The following RFX1 variants were observed in gnomAD, a reference collection of about 807,000 sequenced individuals.
RFX1 encodes the protein MHC class II regulatory factor RFX1.
In RFX1, 42 loss-of-function variants were observed where a neutral mutation model predicts 119.6. The observed-to-expected ratio is 0.35, with a 90% CI of 0.27 to 0.45. The LOEUF is 0.45. RFX1 is among the 20% of genes least tolerant of loss of function. RFX1 has a pLI of 1.00. For synonymous variants in RFX1, 628 were observed against 618.5 expected, an observed-to-expected ratio of 1.02 and a Z score of -0.23; for missense variants, 1,118 against 1,368.1, an observed-to-expected ratio of 0.82 and a Z score of 2.88.
At chr19:13,978,985 C>T (rs1974344592) in intron 7 of RFX1, among the ~76,000 whole-genome samples, 2 of 151,552 alleles carry the variant, frequency 1.3e-5, no homozygotes, top group Non-Finnish European at 2.9e-5. Context: ...GGCCTCGCCG[C>T]TGCACGCGGG....
chr19:14,003,372 A>ACTGGATCCCAGGTATCCAGCTTC (rs1568486594), intron 1 of RFX1, among the ~76,000 whole-genome samples: 1 of 150,634 alleles, frequency 6.6e-6, no homozygotes, highest in Non-Finnish European at 1.5e-5. Flanking sequence ...CCCACTACAA[A>ACTGGATCCCAGGTATCCAGCTTC]CTGGATCCCT....
intron 8 of RFX1, among the ~76,000 whole-genome samples, chr19:13,975,956 G>A (rs576634992): frequency 2.0e-5 from 3 of 152,364 alleles, no homozygotes; most frequent in African/African-American, 7.2e-5. Context: ...TGAACTAGGT[G>A]CAATCACACA....
intron 9 of RFX1, among the ~76,000 whole-genome samples, chr19:13,972,488 C>A (rs1004513452): frequency 6.6e-5 from 10 of 152,176 alleles, no homozygotes; most frequent in African/African-American, 2.2e-4. Flanking sequence ...GCCACAGCGC[C>A]CAGCCAACAA....
At chr19:13,974,414 A>G (rs888545637) in intron 8 of RFX1, among the ~76,000 whole-genome samples, 1 of 152,180 alleles carries the variant, frequency 6.6e-6, no homozygotes, top group Non-Finnish European at 1.5e-5. Context: ...ACAAGTATAC[A>G]AGTATAAAAA....
In RFX1 at chr19:13,962,359, T is replaced by C. The variant is rs961758153; in HGVS notation, c.*336A>G. The stretch of plus-strand genomic sequence containing the variant: ...TCGCACGGGAGGGGGCCTGCCTGCC[T>C]GCCCCCTGGGGTGGTGGGAGGACGG... On this transcript the variant is annotated 3_prime_UTR_variant, in exon 21 of 21. Coordinates refer to ENST00000254325, the MANE Select transcript of RFX1 (RefSeq NM_002918.5). 3 of 354,590 alleles carry C rather than the reference T, an allele frequency of 8.5e-6. No individual in the cohort carries two copies. Among genetic ancestry groups the C allele is most frequent in the Non-Finnish European group, 1.0e-5 (2 of 196,476 alleles). The allele number at this position is 354,590 out of a possible 1,614,324, so 22.0% of individuals were successfully genotyped here. A position where few individuals can be genotyped will look rare whatever the true frequency, so the allele number is the denominator to read the frequency against.
In RFX1 at chr19:13,965,243, G is replaced by A. The variant is rs1389970643; in HGVS notation, c.2211+206C>T. Among the ~76,000 whole-genome samples, 1 of 152,172 alleles carries A rather than the reference G, an allele frequency of 6.6e-6. No homozygotes were observed. Among genetic ancestry groups the A allele is most frequent in the African/African-American group, 2.4e-5 (1 of 41,438 alleles). ...TGAGTACAGTAACACCACAAAGGGG[G>A]TTGCATTTCAGAAGTGGGTGCCTGA... On this transcript the variant is annotated intron_variant, in intron 16 of 20. Coordinates refer to ENST00000254325, the MANE Select transcript of RFX1 (RefSeq NM_002918.5). The surrounding 1 kb of genome is among the most constrained non-coding windows in gnomAD (Gnocchi z 4.7).
In RFX1 at chr19:13,969,846, G is replaced by T; in HGVS notation, c.1496+148C>A. On this transcript the variant is annotated intron_variant, in intron 10 of 20. Transcript: ENST00000254325. This position sits in a 1 kb window ranked among gnomAD's most constrained non-coding sequence, Gnocchi z 4.5. Reference sequence around the variant, plus strand: ...GGCACCGCCAGTGCAAAGGCCTAGAGTGGGAGTGAGCGGGGCTGTCGAGGA... The same window carrying T: ...GGCACCGCCAGTGCAAAGGCCTAGATTGGGAGTGAGCGGGGCTGTCGAGGA... 1.4e-6 allele frequency: 1 copy of T among 713,382 alleles called. No individual in the cohort carries two copies. The highest frequency in any genetic ancestry group is 2.3e-6 in the Non-Finnish European group (1 of 438,362). 44.2% of individuals were successfully genotyped at this position (713,382 alleles called of 1,614,324 possible).
At position 13,972,772 on chromosome 19, in the gene RFX1, A is replaced by G. The variant is rs778124562; in HGVS notation, c.1285T>C (p.Ser429Pro). The change falls in exon 9 of 21, where the codon TCT (serine) becomes CCT (proline). Residue 429 changes from serine (S) to proline (P), a missense_variant. Ser to Pro is a moderately conservative substitution (Grantham distance 74). Around this residue, in one of 5 missense-constraint regions of RFX1, gnomAD observed 542 missense variants for 602.7 expected, o/e 0.90. Coordinates refer to ENST00000254325, the MANE Select transcript of RFX1 (RefSeq NM_002918.5). The part of the protein sequence containing the change: ...YMLGSASQSY[S>P]HTTRASPATV... ...GCTGGCGAGGCACGGGTGGTGTGAG[A>G]GTAAGACTGGCTGGCACTGCCCAGC... 6.2e-7 allele frequency: 1 copy of G among 1,606,276 alleles called. No individual in the cohort carries two copies. Among genetic ancestry groups the G allele is most frequent in the Non-Finnish European group, 8.5e-7 (1 of 1,176,368 alleles).
At position 13,969,853 on chromosome 19, in the gene RFX1, T is replaced by G; in HGVS notation, c.1496+141A>C. ...CCAGTGCAAAGGCCTAGAGTGGGAGTGAGCGGGGCTGTCGAGGAGCCTCGC... is the reference window on the plus strand; with the variant it reads ...CCAGTGCAAAGGCCTAGAGTGGGAGGGAGCGGGGCTGTCGAGGAGCCTCGC... On this transcript the variant is annotated intron_variant, in intron 10 of 20. Transcript: ENST00000254325. The surrounding 1 kb of genome is among the most constrained non-coding windows in gnomAD (Gnocchi z 4.5). 1.3e-6 allele frequency: 1 copy of G among 742,044 alleles called. No homozygotes were observed. The highest frequency in any genetic ancestry group is 2.0e-5 in the South Asian group (1 of 51,024). The allele number at this position is 742,044 out of a possible 1,614,324, so 46.0% of individuals were successfully genotyped here. A position where few individuals can be genotyped will look rare whatever the true frequency, so the allele number is the denominator to read the frequency against.
rs1299138039 is a variant in RFX1 at position 13,965,972 on chromosome 19, C to T, written c.1962-195G>A. On this transcript the variant is annotated intron_variant, in intron 14 of 20. Transcript: ENST00000254325. This position sits in a 1 kb window ranked among gnomAD's most constrained non-coding sequence, Gnocchi z 4.7. ...AGTGGGGCACTCTGTGTCTTGCCTCCAGTGCCAGAAGGCACAGGTATACCT... is the reference window on the plus strand; with the variant it reads ...AGTGGGGCACTCTGTGTCTTGCCTCTAGTGCCAGAAGGCACAGGTATACCT... 6.6e-6 allele frequency among the ~76,000 whole-genome samples: 1 copy of T among 151,860 alleles called. No individual in the cohort carries two copies. Among genetic ancestry groups the T allele is most frequent in the African/African-American group, 2.4e-5 (1 of 41,306 alleles).
chr19:13,971,193 G>GT (rs1245141780), intron 9 of RFX1, among the ~76,000 whole-genome samples: 2 of 152,004 alleles, frequency 1.3e-5, no homozygotes, highest in Admixed American at 6.6e-5. Context: ...AATTAGCCAG[G>GT]TGTGGTGGTG....
Position 13,978,047 on chromosome 19 carries a change from A to T in RFX1, c.874T>A (p.Ser292Thr). 1 of 1,613,558 alleles carries T rather than the reference A, an allele frequency of 6.2e-7. No homozygotes were observed. The highest frequency in any genetic ancestry group is 8.5e-7 in the Non-Finnish European group (1 of 1,179,802). Residue 292 changes from serine (S) to threonine (T), a missense_variant, in exon 8 of 21, where the codon TCC becomes ACC. Coordinates refer to ENST00000254325, the MANE Select transcript of RFX1 (RefSeq NM_002918.5). ...LQQVPVPHVY[S>T]SQVQYVEGGD... ...CCCTCCACATACTGCACCTGGCTGG[A>T]GTACACGTGTGGGACGGGCACCTGC...
At chr19:13,995,851 C>CAAA (rs57542235) in intron 1 of RFX1, among the ~76,000 whole-genome samples, 14 of 35,612 alleles carry the variant, frequency 3.9e-4, no homozygotes, top group South Asian at 1.2e-3. Context: ...ACTCTGTCTC[C>CAAA]AAAAAAAAAA....
At chr19:13,976,831 C>T (rs1974266004) in intron 8 of RFX1, among the ~76,000 whole-genome samples, 1 of 151,742 alleles carries the variant, frequency 6.6e-6, no homozygotes, top group African/African-American at 2.4e-5. Flanking sequence ...TGGCAAAACC[C>T]CATCTCTACA....
At chr19:13,982,296 G>GATGACAGCCCGTGCAGTTGCACCGAGCAT in intron 4 of RFX1, 68 bp from the exon 5 acceptor site, 12 of 868,966 alleles carry the variant, frequency 1.4e-5, no homozygotes, top group African/African-American at 8.6e-5. Context: ...CCGAGCATCT[G>GATGACAGCCCGTGCAGTTGCACCGAGCAT]CGCAGTGCCA....
rs560638726 is a variant in RFX1, at chr19:13,968,013, G to A, written c.1732+552C>T. On this transcript the variant is annotated intron_variant, in intron 12 of 20. Transcript: ENST00000254325. The surrounding 1 kb of genome is among the most constrained non-coding windows in gnomAD (Gnocchi z 5.5). Reference sequence around the variant, plus strand: ...TCATGCCTGTAATCCCAGAACTTTGGGAGGCCAAGGTGGGAGGATCACTTC... The same window carrying A: ...TCATGCCTGTAATCCCAGAACTTTGAGAGGCCAAGGTGGGAGGATCACTTC... 2.2e-4 allele frequency among the ~76,000 whole-genome samples: 34 copies of A among 152,220 alleles called. No individual in the cohort carries two copies. The highest frequency in any genetic ancestry group is 7.9e-4 in the African/African-American group (33 of 41,550).
At chr19:13,978,704 C>T (rs935700406) in intron 7 of RFX1, among the ~76,000 whole-genome samples, 14 of 152,074 alleles carry the variant, frequency 9.2e-5, no homozygotes, top group African/African-American at 2.9e-4. Context: ...TGGGCGCCCC[C>T]GCCCCCGCCC....
rs1034681213 is a variant in RFX1, at chr19:13,978,948, C to G, written c.834+499G>C. Among the ~76,000 whole-genome samples, 161 of 151,838 alleles carry G rather than the reference C, an allele frequency of 1.1e-3. 1 individual carries two copies. The highest frequency in any genetic ancestry group is 1.2e-3 in the Non-Finnish European group (83 of 67,894). On this transcript the variant is annotated intron_variant, in intron 7 of 20. Coordinates refer to ENST00000254325, the MANE Select transcript of RFX1 (RefSeq NM_002918.5). ...CGGCGCCCGGCTCGTAATGGGGCGGCGGCGGCTCGGGGCTGCCTAGCTGCG... is the reference window on the plus strand; with the variant it reads ...CGGCGCCCGGCTCGTAATGGGGCGGGGGCGGCTCGGGGCTGCCTAGCTGCG...
chr19:14,005,155 C>T (rs551662247), intron 1 of RFX1, among the ~76,000 whole-genome samples: 2 of 152,196 alleles, frequency 1.3e-5, no homozygotes, highest in Admixed American at 1.3e-4. Flanking sequence ...AACAAACCCC[C>T]GCAACCTCAA....
Sources: gnomAD v4.1 joint callset for allele counts (sites outside exome capture counted in the v4.1 genomes callset) on GRCh38, gnomAD v4.1.1 for gene constraint, gnomAD v4.1.1 regional missense constraint, Gnocchi (gnomAD v3.1) non-coding constraint, MANE v1.5 for transcripts, NCBI Gene and HGNC (gene_info 2026-07-23, HGNC 2026-07-21) for gene names.